CPA6: variants seen among roughly 807,000 people sequenced by gnomAD.
CPA6 encodes the protein carboxypeptidase B.
Under a neutral mutation model 63.3 loss-of-function variants are expected in CPA6, and 58 were observed. That is an observed-to-expected ratio of 0.92 (90% CI 0.74 to 1.14). CPA6 has a LOEUF of 1.14. CPA6 is among the 50% of genes most tolerant of loss of function. The pLI, the probability that CPA6 is intolerant of heterozygous loss-of-function variation, is 0.00. For missense variants in CPA6, 565 were observed against 526.6 expected (o/e 1.07, Z -0.71); for synonymous variants, 185 against 179.0 (o/e 1.03, Z -0.27).
intron 1 of CPA6, among the ~76,000 whole-genome samples, chr8:67,632,169 T>TGC (rs1483182888): frequency 2.6e-5 from 4 of 151,742 alleles, no homozygotes; most frequent in African/African-American, 7.3e-5. Context: ...TGTGTGTGTG[T>TGC]GTGTGTGTGT....
intron 1 of CPA6, among the ~76,000 whole-genome samples, chr8:67,708,009 G>T (rs1817173353): frequency 6.6e-6 from 1 of 152,108 alleles, no homozygotes; most frequent in Non-Finnish European, 1.5e-5. Flanking sequence ...CCTGTACAAG[G>T]TTTCTGACCT....
intron 2 of CPA6, among the ~76,000 whole-genome samples, chr8:67,546,742 A>G (rs1378882325): frequency 2.0e-5 from 3 of 152,132 alleles, no homozygotes; most frequent in Non-Finnish European, 4.4e-5. Context: ...GCTGGCCTCA[A>G]ACTTGGGCTC....
chr8:67,438,214 G>A lies in CPA6; in HGVS notation c.839-3974C>T, dbSNP rs896293574. Among the ~76,000 whole-genome samples the A allele has an allele frequency of 5.9e-5, 9 of 152,040 alleles. No homozygotes were observed. In the East Asian group the frequency reaches 7.7e-4, roughly 13 times the overall value. On this transcript the variant is annotated intron_variant, in intron 8 of 10. Coordinates refer to ENST00000297770, the MANE Select transcript of CPA6 (RefSeq NM_020361.5). Reference sequence around the variant, plus strand: ...ATTACAGGCATGGGCCACCATGCCCGGCTAAAAATGTCTCCACAATTAAGG... The same window carrying A: ...ATTACAGGCATGGGCCACCATGCCCAGCTAAAAATGTCTCCACAATTAAGG...
chr8:67,683,100 A>G (rs1816632409), intron 1 of CPA6, among the ~76,000 whole-genome samples: 1 of 152,192 alleles, frequency 6.6e-6, no homozygotes, highest in Non-Finnish European at 1.5e-5. Flanking sequence ...CTTCCTGGAC[A>G]GTCCCTCTAG....
intron 2 of CPA6, among the ~76,000 whole-genome samples, chr8:67,606,935 A>G (rs1418412888): frequency 6.6e-6 from 1 of 152,074 alleles, no homozygotes; most frequent in Non-Finnish European, 1.5e-5. Flanking sequence ...ATTTTATTTT[A>G]TTTTATATTT....
intron 2 of CPA6, among the ~76,000 whole-genome samples, chr8:67,559,915 G>A (rs1813164196): frequency 6.6e-6 from 1 of 150,886 alleles, no homozygotes; most frequent in South Asian, 2.1e-4. Context: ...TATAAGAGAG[G>A]CCCCAAGGAG....
At chr8:67,681,029 A>G (rs1206341111) in intron 1 of CPA6, among the ~76,000 whole-genome samples, 1 of 151,896 alleles carries the variant, frequency 6.6e-6, no homozygotes, top group Non-Finnish European at 1.5e-5. Context: ...TGCATCATAA[A>G]TATATTCTCT....
intron 2 of CPA6, among the ~76,000 whole-genome samples, chr8:67,530,388 G>T (rs1328945689): frequency 6.6e-6 from 1 of 152,108 alleles, no homozygotes. Context: ...AGTTCACAGT[G>T]AATGAAAATA....
chr8:67,629,283 A>G (rs1421358254), intron 1 of CPA6, among the ~76,000 whole-genome samples: 1 of 152,012 alleles, frequency 6.6e-6, no homozygotes, highest in African/African-American at 2.4e-5. Context: ...CCTGGACAAC[A>G]TAGTGAGACC....
rs557957807 is a variant in CPA6, at chr8:67,507,469, C to T, written c.535-581G>A. On this transcript the variant is annotated intron_variant, in intron 5 of 10. Coordinates refer to ENST00000297770, the MANE Select transcript of CPA6 (RefSeq NM_020361.5). ...TGGTAGATTTTTCTTTACAATCCTA[C>T]CATATCAATATTACTTTTAACCTGG... 1.6e-4 allele frequency among the ~76,000 whole-genome samples: 24 copies of T among 152,172 alleles called. 1 individual carries two copies. The highest frequency in any genetic ancestry group is 1.2e-3 in the Admixed American group (18 of 15,270).
intron 1 of CPA6, among the ~76,000 whole-genome samples, chr8:67,635,782 A>T (rs570259319): frequency 6.6e-6 from 1 of 151,720 alleles, no homozygotes; most frequent in African/African-American, 2.4e-5. Flanking sequence ...AGAAAAAAAT[A>T]ATGTCAGAGA....
In CPA6 at chr8:67,594,708, C is replaced by T. The variant is rs544321283; in HGVS notation, c.192+29468G>A. Among the ~76,000 whole-genome samples the T allele has an allele frequency of 9.9e-5, 15 of 152,280 alleles. No individual in the cohort carries two copies. The East Asian group carries it at 1.2e-3, about 12-fold the overall frequency. Reference sequence around the variant, plus strand: ...GCTTCTGCATTCTTCATGTAGTTCTCGAGCCTTGGCTTTCAGCTCCATCAG... The same window carrying T: ...GCTTCTGCATTCTTCATGTAGTTCTTGAGCCTTGGCTTTCAGCTCCATCAG... On this transcript the variant is annotated intron_variant, in intron 2 of 10. Transcript: ENST00000297770.
chr8:67,593,316 A>G (rs1160243099), intron 2 of CPA6, among the ~76,000 whole-genome samples: 3 of 151,190 alleles, frequency 2.0e-5, no homozygotes, highest in South Asian at 2.1e-4. Flanking sequence ...TATGTGGTCA[A>G]TTTTGGAATA....
At chr8:67,511,690 A>G (rs754003057) in intron 3 of CPA6, 35 bp from the exon 4 acceptor site, 3 of 1,236,250 alleles carry the variant, frequency 2.4e-6, no homozygotes, top group Non-Finnish European at 3.6e-6. Context: ...TGAAAAGTAA[A>G]TTGAGATATT....
At chr8:67,541,906 T>C (rs564797719) in intron 2 of CPA6, among the ~76,000 whole-genome samples, 3 of 152,344 alleles carry the variant, frequency 2.0e-5, no homozygotes, top group African/African-American at 7.2e-5. Flanking sequence ...TCTGCATTGG[T>C]CTCACTGGGA....
intron 1 of CPA6, among the ~76,000 whole-genome samples, chr8:67,657,587 C>A (rs1257404287): frequency 6.6e-6 from 1 of 152,190 alleles, no homozygotes; most frequent in African/African-American, 2.4e-5. Context: ...CTGGTATCTC[C>A]AGCAACCAGC....
chr8:67,680,415 T>C lies in CPA6; in HGVS notation c.117-56164A>G, dbSNP rs182913852. ...CTATTTAGGAGGCTGAGGTGGGAGG[T>C]CAAGGCTGACACAAGCCATGAAAGT... On this transcript the variant is annotated intron_variant, in intron 1 of 10. Coordinates refer to ENST00000297770, the MANE Select transcript of CPA6 (RefSeq NM_020361.5). 1.1e-4 allele frequency among the ~76,000 whole-genome samples: 17 copies of C among 148,050 alleles called. No individual in the cohort carries two copies. In the East Asian group the frequency reaches 3.4e-3, roughly 29 times the overall value.
intron 8 of CPA6, among the ~76,000 whole-genome samples, chr8:67,479,464 A>G (rs746840949): frequency 3.3e-5 from 5 of 152,178 alleles, no homozygotes; most frequent in African/African-American, 7.2e-5. Context: ...TAAAATTTGT[A>G]TGCCTTTCAT....
intron 1 of CPA6, among the ~76,000 whole-genome samples, chr8:67,699,845 TCC>T (rs1382981706): frequency 1.3e-5 from 2 of 152,288 alleles, no homozygotes; most frequent in African/African-American, 4.8e-5. Flanking sequence ...TGCCTCAGCC[TCC>T]CAGAGCGTTA....
Sources: gnomAD v4.1 joint callset for allele counts (sites outside exome capture counted in the v4.1 genomes callset) on GRCh38, gnomAD v4.1.1 for gene constraint, MANE v1.5 for transcripts, NCBI Gene and HGNC (gene_info 2026-07-23, HGNC 2026-07-21) for gene names.